The following DEPDC5 variants were observed in gnomAD, a reference collection of about 807,000 sequenced individuals.
DEPDC5 encodes GATOR1 complex protein DEPDC5.
DEPDC5 carries 73 observed loss-of-function variants against 217.3 expected under a neutral mutation model. That is an observed-to-expected ratio of 0.34 (90% CI 0.28 to 0.41). The LOEUF is 0.41. DEPDC5 is among the 10% of genes least tolerant of loss of function. DEPDC5 has a pLI of 1.00. For synonymous variants in DEPDC5, 733 were observed against 756.7 expected (o/e 0.97, Z 0.51); for missense variants, 1,675 against 2,070.1 (o/e 0.81, Z 3.70).
chr22:31,782,086 T>A (rs1432109652), intron 8 of DEPDC5, among the ~76,000 whole-genome samples: 1 of 152,072 alleles, frequency 6.6e-6, no homozygotes, highest in Non-Finnish European at 1.5e-5. Context: ...ATATTTATTA[T>A]GATAACATTT....
chr22:31,862,943 G>A (rs1569140010), intron 33 of DEPDC5, among the ~76,000 whole-genome samples: 1 of 152,008 alleles, frequency 6.6e-6, no homozygotes, highest in Admixed American at 6.6e-5. Flanking sequence ...TATCTTACTC[G>A]GTTGTCCAGG....
chr22:31,862,667 C>T (rs965392081), intron 33 of DEPDC5, among the ~76,000 whole-genome samples: 3 of 152,170 alleles, frequency 2.0e-5, no homozygotes, highest in Non-Finnish European at 4.4e-5. Context: ...GCTCTTATAT[C>T]ATTCTGCCCA....
intron 7 of DEPDC5, among the ~76,000 whole-genome samples, chr22:31,772,295 C>T (rs1297257333): frequency 6.6e-6 from 1 of 152,078 alleles, no homozygotes; most frequent in Non-Finnish European, 1.5e-5. Context: ...TAAAGCACAA[C>T]CCAAGAAGTG....
Position 31,837,027 on chromosome 22 carries a change from G to A in DEPDC5, c.2226G>A (p.Val742=). The change falls in exon 26 of 43, where the codon GTG becomes GTA. Residue 742 remains valine (V), a synonymous_variant. Transcript: ENST00000651528. ...VVPGFCCTVG[V]DWKSLTTPAC... is the part of the protein sequence containing the mutation. Reference sequence around the variant, plus strand: ...CAGGCTTCTGTTGCACAGTTGGAGTGGACTGGAAGTCTCTCACTACTCCGG... The same window carrying A: ...CAGGCTTCTGTTGCACAGTTGGAGTAGACTGGAAGTCTCTCACTACTCCGG... 4.3e-6 allele frequency: 7 copies of A among 1,614,070 alleles called. No individual in the cohort carries two copies. Among genetic ancestry groups the A allele is most frequent in the Non-Finnish European group, 5.9e-6 (7 of 1,180,026 alleles).
chr22:31,829,781 A>G (rs1255337766), intron 24 of DEPDC5, among the ~76,000 whole-genome samples: 1 of 151,888 alleles, frequency 6.6e-6, no homozygotes, highest in African/African-American at 2.4e-5. Context: ...CTTGTTTTTC[A>G]CCCTGCTGCC....
At chr22:31,852,234 C>A (rs900150345) in intron 31 of DEPDC5, among the ~76,000 whole-genome samples, 2 of 152,060 alleles carry the variant, frequency 1.3e-5, no homozygotes, top group Non-Finnish European at 2.9e-5. Context: ...ATAATAAATT[C>A]CTGCTTACCC....
chr22:31,862,761 C>T (rs1369888917), intron 33 of DEPDC5, among the ~76,000 whole-genome samples: 1 of 150,634 alleles, frequency 6.6e-6, no homozygotes, highest in Non-Finnish European at 1.5e-5. Context: ...CGGATATCCC[C>T]ACCTGCCTCT....
intron 36 of DEPDC5, chr22:31,875,510 G>C (rs1309180918): frequency 6.6e-6 from 1 of 151,412 alleles, no homozygotes; most frequent in African/African-American, 2.4e-5. Context: ...TTTCTGGGGA[G>C]AGAGAAAGAG....
chr22:31,802,863 G>A, intron 15 of DEPDC5, 25 bp downstream of exon 15: 1 of 1,565,978 alleles, frequency 6.4e-7, no homozygotes. Context: ...TTTGTGCCCT[G>A]TCTCCACATG....
chr22:31,760,503 C>T (rs1433084465), intron 3 of DEPDC5, 153 bp from the exon 4 acceptor site: 4 of 654,872 alleles, frequency 6.1e-6, no homozygotes, highest in East Asian at 5.8e-5. Flanking sequence ...CGCACCTGGC[C>T]GAGTTTCTTT....
chr22:31,812,550 G>A (rs1449867077), intron 20 of DEPDC5, among the ~76,000 whole-genome samples: 1 of 146,398 alleles, frequency 6.8e-6, no homozygotes, highest in Non-Finnish European at 1.5e-5. Context: ...TCAGCCTCCC[G>A]AGTAGCTGGG....
At chr22:31,877,736 C>G (rs1219894277) in intron 37 of DEPDC5, among the ~76,000 whole-genome samples, 8 of 106,372 alleles carry the variant, frequency 7.5e-5, no homozygotes, top group Non-Finnish European at 1.0e-4. Flanking sequence ...GGCGACAGAG[C>G]GAGACTCCAT....
At chr22:31,823,023 A>T (rs1296922889) in intron 24 of DEPDC5, 2 of 467,504 alleles carry the variant, frequency 4.3e-6, no homozygotes, top group Non-Finnish European at 7.9e-6. Flanking sequence ...TCATTCTGTC[A>T]CAGAGTTGTG....
At position 31,860,890 on chromosome 22, in the gene DEPDC5, T is replaced by C. The variant is rs559573882; in HGVS notation, c.3265-478T>C. On this transcript the variant is annotated intron_variant, in intron 32 of 42. Coordinates refer to ENST00000651528, the MANE Select transcript of DEPDC5 (RefSeq NM_001242896.3). ...GAGGGCGACTGGTCACCCAGCCAGGTGGGAGGCCAGGATGTTGCCACCAAA... is the reference window on the plus strand; with the variant it reads ...GAGGGCGACTGGTCACCCAGCCAGGCGGGAGGCCAGGATGTTGCCACCAAA... Among the ~76,000 whole-genome samples the C allele has an allele frequency of 8.5e-5, 13 of 152,252 alleles. No individual in the cohort carries two copies. The South Asian group carries it at 2.5e-3, about 29-fold the overall frequency.
intron 36 of DEPDC5, 149 bp downstream of exon 36, chr22:31,874,554 A>G: frequency 1.0e-6 from 1 of 960,572 alleles, no homozygotes; most frequent in Non-Finnish European, 1.5e-6. Flanking sequence ...TCTGGAATTG[A>G]TGAAAGAACA....
At chr22:31,901,090 A>G (rs1296744071) in intron 40 of DEPDC5, among the ~76,000 whole-genome samples, 1 of 151,936 alleles carries the variant, frequency 6.6e-6, no homozygotes, top group Non-Finnish European at 1.5e-5. Flanking sequence ...TTAAAATACA[A>G]AAGTTAGCCG....
rs201960899 is a variant in DEPDC5 at position 31,846,820 on chromosome 22, C to T, written c.3022-14C>T. ...CACTTGGCTGATGGCCTTGTCTCCT[C>T]TTCTCTGCTTTAGAAAGGGACCGCC... is the stretch of plus-strand genomic sequence containing the variant. On this transcript the variant is annotated splice_polypyrimidine_tract_variant and intron_variant, in intron 30 of 42. Transcript: ENST00000651528. 8.5e-5 allele frequency: 138 copies of T among 1,614,184 alleles called. No homozygotes were observed. The highest frequency in any genetic ancestry group is 1.7e-4 in the Admixed American group (10 of 60,026).
At position 31,780,867 on chromosome 22, in the gene DEPDC5, A is replaced by C. The variant is rs557733505; in HGVS notation, c.483+2699A>C. Among the ~76,000 whole-genome samples the C allele has an allele frequency of 3.9e-5, 6 of 152,304 alleles. 1 individual carries two copies. The South Asian group carries it at 1.2e-3, about 32-fold the overall frequency. On this transcript the variant is annotated intron_variant, in intron 8 of 42. Transcript: ENST00000651528. Reference sequence around the variant, plus strand: ...TTCTCTGGCATGTCTACTGGCACCTAGTAGTCTCTCAAATGTTGGTGGAGT... The same window carrying C: ...TTCTCTGGCATGTCTACTGGCACCTCGTAGTCTCTCAAATGTTGGTGGAGT...
At chr22:31,785,495 G>T (rs1362295125) in intron 10 of DEPDC5, among the ~76,000 whole-genome samples, 1 of 151,892 alleles carries the variant, frequency 6.6e-6, no homozygotes, top group Non-Finnish European at 1.5e-5. Context: ...GATAACCTGT[G>T]TTCACAGGTT....
Sources: gnomAD v4.1 joint callset for allele counts (sites outside exome capture counted in the v4.1 genomes callset) on GRCh38, gnomAD v4.1.1 for gene constraint, MANE v1.5 for transcripts, NCBI Gene and HGNC (gene_info 2026-07-23, HGNC 2026-07-21) for gene names.